Variants in KMT2C observed in about 807,000 individuals in gnomAD.
KMT2C encodes the protein histone-lysine N-methyltransferase 2C.
Under a neutral mutation model 507.9 loss-of-function variants are expected in KMT2C, and 88 were observed. The ratio of observed to expected loss-of-function variants is 0.17; its 90% CI spans 0.15 to 0.21. The LOEUF (loss-of-function observed/expected upper bound fraction) is 0.21. Ranked by LOEUF, KMT2C falls within the 10% of genes least tolerant of loss-of-function variation. The pLI, the probability that KMT2C is intolerant of heterozygous loss-of-function variation, is 1.00. For missense variants in KMT2C, 4,954 were observed against 5,957.8 expected, an observed-to-expected ratio of 0.83 and a Z score of 5.55; for synonymous variants, 2,049 against 2,080.8, an observed-to-expected ratio of 0.98 and a Z score of 0.42.
At chr7:152,240,454 T>C (rs1303514141) in intron 14 of KMT2C, among the ~76,000 whole-genome samples, 3 of 152,266 alleles carry the variant, frequency 2.0e-5, no homozygotes, top group Admixed American at 2.0e-4. Flanking sequence ...TCCCAGGGCT[T>C]GAGCCTAGAT....
chr7:152,350,077 C>G (rs966645366), intron 2 of KMT2C, among the ~76,000 whole-genome samples: 3 of 151,994 alleles, frequency 2.0e-5, no homozygotes, highest in Non-Finnish European at 4.4e-5. Flanking sequence ...CATGGAAAAC[C>G]CTGTCTCTAC....
intron 1 of KMT2C, among the ~76,000 whole-genome samples, chr7:152,399,187 AT>A (rs2097556377): frequency 1.3e-5 from 2 of 152,140 alleles, no homozygotes; most frequent in Non-Finnish European, 2.9e-5. Flanking sequence ...CTGCTATTAT[AT>A]TTCTACAACC....
intron 51 of KMT2C, among the ~76,000 whole-genome samples, chr7:152,149,534 A>C (rs1459615515): frequency 6.6e-6 from 1 of 152,210 alleles, no homozygotes; most frequent in East Asian, 1.9e-4. Context: ...GTACAATGGA[A>C]CAGTGTTTTT....
At chr7:152,369,020 T>A (rs2097270518) in intron 1 of KMT2C, among the ~76,000 whole-genome samples, 1 of 146,420 alleles carries the variant, frequency 6.8e-6, no homozygotes. Flanking sequence ...TGTGGAAGGT[T>A]AAAAAAAAAA....
intron 6 of KMT2C, among the ~76,000 whole-genome samples, chr7:152,288,945 A>G (rs2096357304): frequency 6.6e-6 from 1 of 152,304 alleles, no homozygotes; most frequent in African/African-American, 2.4e-5. Flanking sequence ...AACATCCATT[A>G]GTAATGAAAG....
chr7:152,377,798 C>A (rs1276632896), intron 1 of KMT2C, among the ~76,000 whole-genome samples: 1 of 150,726 alleles, frequency 6.6e-6, no homozygotes, highest in Non-Finnish European at 1.5e-5. Flanking sequence ...TGAAAACCTT[C>A]TGGAAAGGAT....
At chr7:152,429,284 T>TA (rs2097847235) in intron 1 of KMT2C, among the ~76,000 whole-genome samples, 1 of 152,162 alleles carries the variant, frequency 6.6e-6, no homozygotes, top group Non-Finnish European at 1.5e-5. Flanking sequence ...ATAGAAAACT[T>TA]AAGACTTGTT....
At chr7:152,394,771 T>C (rs1490547161) in intron 1 of KMT2C, among the ~76,000 whole-genome samples, 2 of 152,246 alleles carry the variant, frequency 1.3e-5, no homozygotes, top group African/African-American at 2.4e-5. Flanking sequence ...TATGGACTAC[T>C]GCCTAATACA....
Position 152,177,680 on chromosome 7 carries a change from T to C in KMT2C, c.7773A>G (p.Gly2591=). The change falls in exon 38 of 59, where the codon GGA becomes GGG. Residue 2591 remains glycine, a synonymous_variant. Transcript: ENST00000262189. The part of the protein sequence containing the change: ...VVEASSNLRH[G]NFIPRPDFPG... ...GAAAGTCTGGCCGGGGAATGAAGTT[T>C]CCATGTCTCAGATTAGAAGATGCCT... 6.2e-7 allele frequency: 1 copy of C among 1,614,102 alleles called. No individual in the cohort carries two copies. Among genetic ancestry groups the C allele is most frequent in the African/African-American group, 1.3e-5 (1 of 75,012 alleles).
Position 152,149,118 on chromosome 7 carries a change from C to G in KMT2C, c.12809G>C (p.Arg4270Thr), listed in dbSNP as rs762829603. ...ATGAAATGCTTTGGAAGGCGTTTCTCTCATAGGTGATTGTGGCAATGAAGG... is the reference window on the plus strand; with the variant it reads ...ATGAAATGCTTTGGAAGGCGTTTCTGTCATAGGTGATTGTGGCAATGAAGG... ...SIPSLPQSPM[R>T]ETPSKAFHQY... is the part of the protein sequence containing the mutation. The change falls in exon 52 of 59, where the codon AGA (arginine) becomes ACA (threonine). Residue 4270 changes from arginine to threonine, a missense_variant. Arg to Thr is a moderately conservative substitution (Grantham distance 71, BLOSUM62 -1). Transcript: ENST00000262189. 1 of 1,476,422 alleles carries G rather than the reference C, an allele frequency of 6.8e-7. No individual in the cohort carries two copies. Among genetic ancestry groups the G allele is most frequent in the Non-Finnish European group, 9.0e-7 (1 of 1,115,108 alleles). 91.5% of individuals were successfully genotyped at this position (1,476,422 alleles called of 1,614,324 possible). A position where few individuals can be genotyped will look rare whatever the true frequency, so the allele number is the denominator to read the frequency against.
At chr7:152,380,719 CA>C (rs1281445931) in intron 1 of KMT2C, among the ~76,000 whole-genome samples, 1 of 152,116 alleles carries the variant, frequency 6.6e-6, no homozygotes, top group Admixed American at 6.5e-5. Flanking sequence ...GCCTAAGTAA[CA>C]GAATGAGATC....
chr7:152,385,169 G>T (rs554383201), intron 1 of KMT2C, among the ~76,000 whole-genome samples: 180 of 152,180 alleles, frequency 1.2e-3, no homozygotes, highest in Admixed American at 6.3e-3. Flanking sequence ...TGAATCTCAG[G>T]AATCAGCAAA....
chr7:152,295,466 G>A (rs2096482622), intron 6 of KMT2C, among the ~76,000 whole-genome samples: 2 of 152,162 alleles, frequency 1.3e-5, no homozygotes, highest in African/African-American at 4.8e-5. Context: ...TGTAAAGGGT[G>A]ACCCTCTGTC....
intron 50 of KMT2C, 94 bp downstream of exon 50, chr7:152,151,348 T>G: frequency 1.6e-6 from 2 of 1,284,232 alleles, no homozygotes; most frequent in South Asian, 1.4e-5. Context: ...CACACCACCA[T>G]AAGTGGTGTC....
intron 39 of KMT2C, among the ~76,000 whole-genome samples, chr7:152,172,725 C>T (rs188087761): frequency 3.9e-5 from 6 of 152,256 alleles, no homozygotes; most frequent in Admixed American, 6.5e-5. Flanking sequence ...GTAAATAAAA[C>T]TCAGCATTTC....
intron 8 of KMT2C, among the ~76,000 whole-genome samples, chr7:152,263,335 T>C (rs2095810751): frequency 6.6e-6 from 1 of 152,210 alleles, no homozygotes; most frequent in Non-Finnish European, 1.5e-5. Context: ...TCACCTATGG[T>C]TAACTTGCTC....
At chr7:152,214,413 A>T (rs1277192323) in intron 23 of KMT2C, among the ~76,000 whole-genome samples, 1 of 151,516 alleles carries the variant, frequency 6.6e-6, no homozygotes, top group Non-Finnish European at 1.5e-5. Flanking sequence ...TCCTCCCTTA[A>T]TGTCATCAAT....
chr7:152,435,311 G>A (rs1223588515), intron 1 of KMT2C, among the ~76,000 whole-genome samples: 1 of 152,060 alleles, frequency 6.6e-6, no homozygotes, highest in East Asian at 1.9e-4. Flanking sequence ...AGGCCAAGAC[G>A]CGGCTACGAG....
At chr7:152,435,101 G>A (rs1452579894) in intron 1 of KMT2C, among the ~76,000 whole-genome samples, 2 of 152,110 alleles carry the variant, frequency 1.3e-5, no homozygotes, top group Non-Finnish European at 2.9e-5. Flanking sequence ...AAAAGTTCCA[G>A]GAGCAAGTCG....
Sources: allele counts gnomAD v4.1 joint callset (sites outside exome capture counted in the v4.1 genomes callset), GRCh38; gene constraint gnomAD v4.1.1; transcripts MANE v1.5; gene names NCBI Gene and HGNC (gene_info 2026-07-23, HGNC 2026-07-21).